Variants in PRKACB observed in about 807,000 individuals in gnomAD.
PRKACB encodes cAMP-dependent protein kinase catalytic subunit beta.
In PRKACB, 16 loss-of-function variants were observed where a neutral mutation model predicts 51.4. The ratio of observed to expected loss-of-function variants is 0.31; its 90% CI spans 0.21 to 0.47. PRKACB has a LOEUF of 0.47. Ranked by LOEUF, PRKACB falls within the 20% of genes least tolerant of loss-of-function variation. PRKACB has a pLI of 1.00. For missense variants in PRKACB, 309 were observed against 464.5 expected (o/e 0.67, Z 3.08); for synonymous variants, 147 against 154.4 (o/e 0.95, Z 0.35).
intron 1 of PRKACB, among the ~76,000 whole-genome samples, chr1:84,121,515 T>G (rs1326195414): frequency 6.6e-6 from 1 of 152,140 alleles, no homozygotes; most frequent in Non-Finnish European, 1.5e-5. Context: ...AAACTTTCCC[T>G]TATTCAGATC....
chr1:84,214,398 C>A, intron 9 of PRKACB, 81 bp downstream of exon 9: 2 of 1,290,786 alleles, frequency 1.5e-6, no homozygotes, highest in Non-Finnish European at 2.1e-6. Flanking sequence ...TTCAACTTAA[C>A]ACATAGTTTT....
rs1453432463 is a variant in PRKACB, at chr1:84,145,949, A to T, written c.187+1401A>T. On this transcript the variant is annotated intron_variant, in intron 1 of 9. Transcript: ENST00000370685. ...TGTTTCATTAATACCTGCTCTTCATATAGTGGGTGTTTAGTAAAAGTGTCT... is the reference window on the plus strand; with the variant it reads ...TGTTTCATTAATACCTGCTCTTCATTTAGTGGGTGTTTAGTAAAAGTGTCT... 2.6e-5 allele frequency among the ~76,000 whole-genome samples: 4 copies of T among 151,986 alleles called. No homozygotes were observed. The East Asian group carries it at 7.7e-4, about 29-fold the overall frequency.
chr1:84,152,687 G>A lies in PRKACB; in HGVS notation c.187+8139G>A, dbSNP rs549190109. Among the ~76,000 whole-genome samples the A allele has an allele frequency of 3.3e-5, 5 of 152,238 alleles. No homozygotes were observed. The East Asian group carries it at 9.7e-4, about 29-fold the overall frequency. Reference sequence around the variant, plus strand: ...TTCTGCAACTTCCTCACCACTCTTAGCCTTTATAGAATTGAAGAGTGTCAA... The same window carrying A: ...TTCTGCAACTTCCTCACCACTCTTAACCTTTATAGAATTGAAGAGTGTCAA... On this transcript the variant is annotated intron_variant, in intron 1 of 9. Transcript: ENST00000370685.
intron 1 of PRKACB, among the ~76,000 whole-genome samples, chr1:84,097,854 C>T (rs779211355): frequency 6.6e-6 from 1 of 152,072 alleles, no homozygotes; most frequent in African/African-American, 2.4e-5. Context: ...TATTCAGGCC[C>T]TCAATACATT....
chr1:84,079,373 A>G (rs1375665816), intron 1 of PRKACB, among the ~76,000 whole-genome samples: 1 of 152,200 alleles, frequency 6.6e-6, no homozygotes, highest in Non-Finnish European at 1.5e-5. Context: ...TGTAAATATT[A>G]CTTGTAATGT....
chr1:84,189,693 A>C (rs1666187242), intron 5 of PRKACB, among the ~76,000 whole-genome samples: 1 of 151,978 alleles, frequency 6.6e-6, no homozygotes, highest in African/African-American at 2.4e-5. Flanking sequence ...TCAAACCTAA[A>C]ACTAGGGAAA....
chr1:84,127,800 T>C (rs1651762717), intron 1 of PRKACB, among the ~76,000 whole-genome samples: 2 of 152,090 alleles, frequency 1.3e-5, no homozygotes, highest in South Asian at 4.1e-4. Flanking sequence ...CTAGTGAATA[T>C]ATTTTATGTT....
At chr1:84,096,000 C>T (rs906889310) in intron 1 of PRKACB, among the ~76,000 whole-genome samples, 1 of 151,816 alleles carries the variant, frequency 6.6e-6, no homozygotes, top group East Asian at 1.9e-4. Flanking sequence ...TTTGGCATGC[C>T]TAGGAATCTT....
At chr1:84,207,832 T>A (rs965061078) in intron 8 of PRKACB, among the ~76,000 whole-genome samples, 41 of 151,592 alleles carry the variant, frequency 2.7e-4, no homozygotes, top group Middle Eastern at 6.8e-3. Flanking sequence ...CAAATTTGAT[T>A]TGGCTTTATT....
chr1:84,165,981 G>A (rs1398669287), intron 1 of PRKACB, among the ~76,000 whole-genome samples: 1 of 151,680 alleles, frequency 6.6e-6, no homozygotes, highest in Admixed American at 6.6e-5. Context: ...GCTGTATAAT[G>A]ATAGAATTCA....
intron 1 of PRKACB, among the ~76,000 whole-genome samples, chr1:84,112,193 C>T (rs1276091970): frequency 6.8e-6 from 1 of 147,894 alleles, no homozygotes; most frequent in Non-Finnish European, 1.5e-5. Context: ...GTGTCCATTT[C>T]ATAATAGATG....
intron 1 of PRKACB, among the ~76,000 whole-genome samples, chr1:84,127,600 C>A (rs1651736400): frequency 1.1e-5 from 1 of 90,204 alleles, no homozygotes; most frequent in Non-Finnish European, 3.1e-5. Flanking sequence ...CATTACTGAG[C>A]TATTTTTACT....
At chr1:84,226,218 CTGTATGTT>C (rs1214326011) in intron 9 of PRKACB, among the ~76,000 whole-genome samples, 3 of 150,070 alleles carry the variant, frequency 2.0e-5, no homozygotes, top group African/African-American at 7.3e-5. Flanking sequence ...TCCTTATCTC[CTGTATGTT>C]TTCTCTTCCT....
At chr1:84,145,695 G>T (rs535164499) in intron 1 of PRKACB, among the ~76,000 whole-genome samples, 56 of 152,104 alleles carry the variant, frequency 3.7e-4, no homozygotes, top group Non-Finnish European at 7.2e-4. Flanking sequence ...ATAGCAAGTT[G>T]ATGGATGAGG....
At chr1:84,110,280 G>A (rs1419423616) in intron 1 of PRKACB, among the ~76,000 whole-genome samples, 1 of 151,806 alleles carries the variant, frequency 6.6e-6, no homozygotes, top group African/African-American at 2.4e-5. Flanking sequence ...CATTTACAGT[G>A]TATTAGGTAT....
In PRKACB at chr1:84,200,003, A is replaced by T. The variant is rs540220772; in HGVS notation, c.783+2179A>T. On this transcript the variant is annotated intron_variant, in intron 7 of 9. Transcript: ENST00000370685. ...TGGGACTACCGGCATGCACTACAAC[A>T]CCTGGTTAATTTTTGTATTTTTTAG... is the stretch of plus-strand genomic sequence containing the variant. 7.9e-5 allele frequency among the ~76,000 whole-genome samples: 12 copies of T among 151,724 alleles called. No individual in the cohort carries two copies. In the South Asian group the frequency reaches 2.5e-3, roughly 32 times the overall value.
At chr1:84,143,776 A>C (rs1653674043), upstream of PRKACB, among the ~76,000 whole-genome samples, 1 of 152,148 alleles carries the variant, frequency 6.6e-6, no homozygotes, top group African/African-American at 2.4e-5. Flanking sequence ...AGAAACATTC[A>C]ATTTTTTAAA....
At chr1:84,199,025 A>G (rs1202389977) in intron 7 of PRKACB, among the ~76,000 whole-genome samples, 3 of 147,544 alleles carry the variant, frequency 2.0e-5, no homozygotes, top group African/African-American at 7.4e-5. Context: ...GCGTATATAT[A>G]CACATATATA....
At chr1:84,134,051 G>A (rs978605141) in intron 1 of PRKACB, among the ~76,000 whole-genome samples, 2 of 152,156 alleles carry the variant, frequency 1.3e-5, no homozygotes, top group African/African-American at 4.8e-5. Flanking sequence ...AGAGGATGGA[G>A]TGGGAAAGTA....
Sources: gnomAD v4.1 joint callset for allele counts (sites outside exome capture counted in the v4.1 genomes callset) on GRCh38, gnomAD v4.1.1 for gene constraint, MANE v1.5 for transcripts, NCBI Gene and HGNC (gene_info 2026-07-23, HGNC 2026-07-21) for gene names.